COP1: variants seen among roughly 807,000 people sequenced by gnomAD.
COP1 encodes COP1 E3 ubiquitin ligase.
COP1 carries 24 observed loss-of-function variants against 101.3 expected under a neutral mutation model. That is an observed-to-expected ratio of 0.24 (90% confidence interval 0.17 to 0.33). The LOEUF (loss-of-function observed/expected upper bound fraction) is 0.33. COP1 is among the 10% of genes least tolerant of loss of function. The pLI is 1.00. For missense variants in COP1, 663 were observed against 906.2 expected, an observed-to-expected ratio of 0.73 and a Z score of 3.45; for synonymous variants, 347 against 341.9, an observed-to-expected ratio of 1.01 and a Z score of -0.17.
chr1:176,140,328 G>A (rs1202489014), intron 6 of COP1, among the ~76,000 whole-genome samples: 2 of 152,158 alleles, frequency 1.3e-5, no homozygotes, highest in East Asian at 3.9e-4. Context: ...GTGTTGTCCT[G>A]ACAGATATAC....
chr1:176,192,308 TTA>T (rs1299730363), intron 1 of COP1, among the ~76,000 whole-genome samples: 2 of 152,112 alleles, frequency 1.3e-5, no homozygotes, highest in African/African-American at 4.8e-5. Flanking sequence ...TCTTGTGTAG[TTA>T]TAAGTTAGGT....
At chr1:176,204,424 C>T (rs1005420349) in intron 1 of COP1, among the ~76,000 whole-genome samples, 1 of 151,474 alleles carries the variant, frequency 6.6e-6, no homozygotes, top group Non-Finnish European at 1.5e-5. Flanking sequence ...TTGGGGCATA[C>T]AAGACAAGAC....
chr1:176,028,943 A>G (rs1668210083), intron 14 of COP1, among the ~76,000 whole-genome samples: 1 of 151,154 alleles, frequency 6.6e-6, no homozygotes. Flanking sequence ...TTGTAAAGAC[A>G]GGGTTTCATC....
chr1:176,048,358 A>G (rs1418504755), intron 11 of COP1, among the ~76,000 whole-genome samples: 1 of 151,958 alleles, frequency 6.6e-6, no homozygotes, highest in East Asian at 1.9e-4. Flanking sequence ...AAAAAAATTT[A>G]TTCAGTTAAG....
chr1:176,005,814 A>G (rs1005099815), intron 15 of COP1, among the ~76,000 whole-genome samples: 2 of 152,134 alleles, frequency 1.3e-5, no homozygotes, highest in African/African-American at 4.8e-5. Context: ...GCTGAAAAAC[A>G]TGCATATTCT....
At chr1:175,967,270 C>T (rs1294957797) in intron 18 of COP1, among the ~76,000 whole-genome samples, 1 of 152,172 alleles carries the variant, frequency 6.6e-6, no homozygotes, top group East Asian at 1.9e-4. Flanking sequence ...CCTCAGCCTC[C>T]CAAAGTGATG....
intron 11 of COP1, among the ~76,000 whole-genome samples, chr1:176,070,914 A>G (rs1459648862): frequency 6.6e-6 from 1 of 152,038 alleles, no homozygotes; most frequent in Non-Finnish European, 1.5e-5. Context: ...CTGCCTCTCA[A>G]AGCAATGGTA....
At chr1:176,058,200 C>T (rs1674127111) in intron 11 of COP1, among the ~76,000 whole-genome samples, 1 of 150,936 alleles carries the variant, frequency 6.6e-6, no homozygotes, top group Non-Finnish European at 1.5e-5. Context: ...GGGTCAGCCC[C>T]TGCCCAGCCG....
chr1:176,193,215 C>T (rs1699300994), intron 1 of COP1, among the ~76,000 whole-genome samples: 1 of 152,150 alleles, frequency 6.6e-6, no homozygotes, highest in Non-Finnish European at 1.5e-5. Context: ...CAAATCAAAA[C>T]CACAATGAAT....
At chr1:175,962,287 A>G in intron 18 of COP1, among the ~76,000 whole-genome samples, 1 of 152,124 alleles carries the variant, frequency 6.6e-6, no homozygotes, top group East Asian at 1.9e-4. Flanking sequence ...CCTGTACCCC[A>G]GTTACTTCCT....
chr1:176,167,416 G>C (rs1457482943), intron 3 of COP1, among the ~76,000 whole-genome samples: 1 of 149,582 alleles, frequency 6.7e-6, no homozygotes, highest in East Asian at 1.9e-4. Context: ...CTGAATGAAT[G>C]AATGAATGAA....
chr1:176,037,402 G>A (rs1431924902), intron 14 of COP1, among the ~76,000 whole-genome samples: 3 of 145,958 alleles, frequency 2.1e-5, no homozygotes, highest in South Asian at 2.2e-4. Flanking sequence ...GCAAGACTCC[G>A]TCTCAAAAAA....
At chr1:176,054,604 T>C (rs539074223) in intron 11 of COP1, among the ~76,000 whole-genome samples, 1 of 152,302 alleles carries the variant, frequency 6.6e-6, no homozygotes, top group East Asian at 1.9e-4. Flanking sequence ...TTCTTGTCAT[T>C]CCGAACGATG....
intron 9 of COP1, among the ~76,000 whole-genome samples, chr1:176,115,850 G>A (rs771274858): frequency 2.6e-5 from 4 of 152,102 alleles, no homozygotes; most frequent in Non-Finnish European, 4.4e-5. Flanking sequence ...AAGATGAAGA[G>A]AGTAAAGGTT....
At chr1:176,171,820 G>A (rs887646477) in intron 3 of COP1, among the ~76,000 whole-genome samples, 1 of 152,134 alleles carries the variant, frequency 6.6e-6, no homozygotes, top group African/African-American at 2.4e-5. Flanking sequence ...AGATTATAAG[G>A]ATAAAACTAT....
intron 15 of COP1, among the ~76,000 whole-genome samples, chr1:176,013,868 T>C (rs867293992): frequency 2.6e-5 from 4 of 152,182 alleles, no homozygotes; most frequent in South Asian, 2.1e-4. Context: ...AAAGTACCTG[T>C]GGCTTTTTTA....
chr1:175,977,378 G>A (rs1004176834), intron 18 of COP1, among the ~76,000 whole-genome samples: 7 of 151,896 alleles, frequency 4.6e-5, no homozygotes, highest in African/African-American at 1.7e-4. Flanking sequence ...AATGCAAACA[G>A]GCACAAAATT....
At chr1:176,194,556 C>T (rs1055153383) in intron 1 of COP1, among the ~76,000 whole-genome samples, 59 of 152,056 alleles carry the variant, frequency 3.9e-4, no homozygotes, top group African/African-American at 1.3e-3. Context: ...GAGAATCACT[C>T]GAACCCAAGA....
intron 18 of COP1, among the ~76,000 whole-genome samples, chr1:175,969,087 T>C (rs1272911130): frequency 2.0e-5 from 3 of 152,204 alleles, no homozygotes; most frequent in African/African-American, 7.2e-5. Flanking sequence ...AAGCTGATTC[T>C]AGAATTCAGT....
Sources: gnomAD v4.1 joint callset for allele counts (sites outside exome capture counted in the v4.1 genomes callset) on GRCh38, gnomAD v4.1.1 for gene constraint, MANE v1.5 for transcripts, NCBI Gene and HGNC (gene_info 2026-07-23, HGNC 2026-07-21) for gene names.